The following KAT7 variants were observed in gnomAD, a reference collection of about 807,000 sequenced individuals.
KAT7 encodes the protein lysine acetyltransferase 7.
KAT7 carries 10 observed loss-of-function variants against 82.1 expected under a neutral mutation model. The ratio of observed to expected loss-of-function variants is 0.12; its 90% confidence interval spans 0.08 to 0.21. The LOEUF is 0.21. Ranked by LOEUF, KAT7 falls within the 10% of genes least tolerant of loss-of-function variation. KAT7 has a pLI of 1.00. For synonymous variants in KAT7, 250 were observed against 262.5 expected (o/e 0.95, Z 0.46); for missense variants, 378 against 760.9 (o/e 0.50, Z 5.92).
In KAT7 at chr17:49,802,530, G is replaced by C. The variant is rs934713194; in HGVS notation, c.581-2833G>C. ...TAAAAATACAAAATTAGCCAGGCGTGGTGGCGGCGCTTGTAATCCCAGCTA... is the reference window on the plus strand; with the variant it reads ...TAAAAATACAAAATTAGCCAGGCGTCGTGGCGGCGCTTGTAATCCCAGCTA... On this transcript the variant is annotated intron_variant, in intron 4 of 14. Transcript: ENST00000259021. 4.6e-5 allele frequency among the ~76,000 whole-genome samples: 7 copies of C among 152,054 alleles called. No individual in the cohort carries two copies. The South Asian group carries it at 6.2e-4, about 13-fold the overall frequency.
Position 49,833,666 on chromosome 17 carries a change from A to G in KAT7, c.*6164A>G, listed in dbSNP as rs1032170924. 2.0e-5 allele frequency: 3 copies of G among 152,232 alleles called. No individual in the cohort carries two copies. Among genetic ancestry groups the G allele is most frequent in the African/African-American group, 7.2e-5 (3 of 41,456 alleles). The allele number at this position is 152,232 out of a possible 1,614,324, so 9.4% of individuals were successfully genotyped here. A position where few individuals can be genotyped will look rare whatever the true frequency, so the allele number is the denominator to read the frequency against. On this transcript the variant is annotated 3_prime_UTR_variant, in exon 15 of 15. Coordinates refer to ENST00000259021, the MANE Select transcript of KAT7 (RefSeq NM_007067.5). The stretch of plus-strand genomic sequence containing the variant: ...ACCAAGGTGCTCTAGTCACAGCACT[A>G]AAAGCCCAGACTTGTGTCTCTTGAA...
rs565206457 is a variant in KAT7, at chr17:49,814,221, T to A, written c.853-1582T>A. Among the ~76,000 whole-genome samples the A allele has an allele frequency of 7.2e-5, 11 of 152,296 alleles. No homozygotes were observed. In the South Asian group the frequency reaches 2.3e-3, roughly 32 times the overall value. On this transcript the variant is annotated intron_variant, in intron 7 of 14. Transcript: ENST00000259021. Reference sequence around the variant, plus strand: ...TTTACTTTTTTGACAGTCATCACTGTCTTAAATGCTAATTTTATGAATACA... The same window carrying A: ...TTTACTTTTTTGACAGTCATCACTGACTTAAATGCTAATTTTATGAATACA...
intron 2 of KAT7, among the ~76,000 whole-genome samples, chr17:49,793,573 A>ATT (rs542617795): frequency 4.5e-4 from 61 of 136,300 alleles, no homozygotes; most frequent in South Asian, 1.2e-3. Context: ...GCTTTGGTTA[A>ATT]TTTTTTTTTT....
chr17:49,799,989 T>C (rs1351341101), intron 4 of KAT7, among the ~76,000 whole-genome samples: 1 of 149,434 alleles, frequency 6.7e-6, no homozygotes, highest in East Asian at 1.9e-4. Context: ...AGTGTTTAAT[T>C]AATTTGGATT....
At chr17:49,810,335 C>T (rs1331946759) in intron 6 of KAT7, among the ~76,000 whole-genome samples, 1 of 152,202 alleles carries the variant, frequency 6.6e-6, no homozygotes, top group East Asian at 1.9e-4. Context: ...CAGCTCACTG[C>T]AACCTCCATC....
intron 11 of KAT7, 29 bp downstream of exon 11, chr17:49,821,819 A>C (rs1390962175): frequency 1.2e-6 from 2 of 1,611,298 alleles, no homozygotes; most frequent in East Asian, 4.5e-5. Context: ...TTAAGAAGCC[A>C]ATGGCCAGAG....
chr17:49,805,016 G>A (rs1193972064), intron 4 of KAT7, among the ~76,000 whole-genome samples: 1 of 152,184 alleles, frequency 6.6e-6, no homozygotes, highest in East Asian at 1.9e-4. Flanking sequence ...ATTTAGTATA[G>A]GAGAGTTACA....
At chr17:49,825,098 AT>A (rs2074353367) in intron 12 of KAT7, among the ~76,000 whole-genome samples, 1 of 151,916 alleles carries the variant, frequency 6.6e-6, no homozygotes, top group African/African-American at 2.4e-5. Flanking sequence ...CACTCCCATC[AT>A]TTTTTTCTTG....
intron 8 of KAT7, 117 bp from the exon 9 acceptor site, chr17:49,817,703 G>A (rs139572894): frequency 0.012 from 9,267 of 742,720 alleles, 80 homozygotes; most frequent in Non-Finnish European, 0.017. Context: ...CTGGCCTTAA[G>A]TGACCTGCCT....
At chr17:49,800,841 TATAC>T (rs1159318107) in intron 4 of KAT7, among the ~76,000 whole-genome samples, 2 of 152,168 alleles carry the variant, frequency 1.3e-5, no homozygotes, top group African/African-American at 4.8e-5. Context: ...TGTGTGTGTA[TATAC>T]ATACATATGT....
intron 4 of KAT7, among the ~76,000 whole-genome samples, chr17:49,804,762 A>C (rs1455945156): frequency 6.6e-6 from 1 of 152,202 alleles, no homozygotes; most frequent in Non-Finnish European, 1.5e-5. Flanking sequence ...GACATAAAAA[A>C]ATTTTTTAAA....
At chr17:49,799,127 C>T (rs1233124217) in intron 4 of KAT7, among the ~76,000 whole-genome samples, 1 of 152,116 alleles carries the variant, frequency 6.6e-6, no homozygotes, top group Non-Finnish European at 1.5e-5. Context: ...ATGAGTTTTA[C>T]CCCTTAGTGA....
rs150213962 is a variant in KAT7 at position 49,826,703 on chromosome 17, G to A, written c.1638G>A (p.Gln546=). The change falls in exon 14 of 15, where the codon CAG becomes CAA. Residue 546 remains glutamine, a synonymous_variant. Transcript: ENST00000259021. ...GKEISIKEIS[Q]ETAVNPVDIV... is the part of the protein sequence containing the mutation. The stretch of plus-strand genomic sequence containing the variant: ...CTTCTTCTGTTTCAGAAATCAGTCA[G>A]GAGACGGCTGTGAATCCTGTGGACA... The A allele has an allele frequency of 3.6e-5, 58 of 1,610,398 alleles. No individual in the cohort carries two copies. In the African/African-American group the frequency reaches 7.1e-4, roughly 20 times the overall value.
intron 10 of KAT7, 92 bp downstream of exon 10, chr17:49,821,518 G>A (rs758986971): frequency 2.7e-6 from 4 of 1,484,532 alleles, no homozygotes; most frequent in Non-Finnish European, 2.8e-6. Context: ...ACCTTGTGAA[G>A]GACATAGAAC....
In KAT7 at chr17:49,825,877, A is replaced by G. The variant is rs1377228362; in HGVS notation, c.1481-123A>G. The G allele has an allele frequency of 5.2e-6, 5 of 959,738 alleles. No homozygotes were observed. The East Asian group carries it at 9.9e-5, about 19-fold the overall frequency. The allele number at this position is 959,738 out of a possible 1,614,324, so 59.5% of individuals were successfully genotyped here. ...AGTTAACCACACAGTATTCCATTGA[A>G]TGACTAAATCCTAATGGAGTGGACT... is the stretch of plus-strand genomic sequence containing the variant. On this transcript the variant is annotated intron_variant, in intron 12 of 14. Coordinates refer to ENST00000259021, the MANE Select transcript of KAT7 (RefSeq NM_007067.5).
chr17:49,827,352 G>T (rs755506355), intron 14 of KAT7, 49 bp from the exon 15 acceptor site: 2 of 1,105,756 alleles, frequency 1.8e-6, no homozygotes, highest in Admixed American at 1.7e-5. Flanking sequence ...CTATGTAAAG[G>T]CACTTGAGTT....
chr17:49,829,672 G>A lies in KAT7; in HGVS notation c.*2170G>A, dbSNP rs540056802. 5.3e-5 allele frequency: 8 copies of A among 152,278 alleles called. No homozygotes were observed. Among genetic ancestry groups the A allele is most frequent in the Non-Finnish European group, 1.2e-4 (8 of 68,026 alleles). 9.4% of individuals were successfully genotyped at this position (152,278 alleles called of 1,614,324 possible). A position where few individuals can be genotyped will look rare whatever the true frequency, so the allele number is the denominator to read the frequency against. On this transcript the variant is annotated 3_prime_UTR_variant, in exon 15 of 15. Coordinates refer to ENST00000259021, the MANE Select transcript of KAT7 (RefSeq NM_007067.5). ...GAGGAGGCTGGGAATTGTATGTGCT[G>A]GAATGGTTTCACTCACTGTGACCAG... is the stretch of plus-strand genomic sequence containing the variant.
chr17:49,820,748 T>C (rs1052317183), intron 9 of KAT7, among the ~76,000 whole-genome samples: 3 of 120,786 alleles, frequency 2.5e-5, no homozygotes, highest in East Asian at 2.1e-4. Context: ...GCTGCTTGCC[T>C]TTTTTTTTTT....
In KAT7 at chr17:49,817,861, C is replaced by T. The variant is rs764463977; in HGVS notation, c.1005C>T (p.Asn335=). The T allele has an allele frequency of 4.3e-6, 7 of 1,612,850 alleles. No individual in the cohort carries two copies. The South Asian group carries it at 4.4e-5, about 10-fold the overall frequency. ...RLQGQITEGS[N]MIKTIAFGRY... is the part of the protein sequence containing the mutation. ...AAGGCCAAATCACAGAGGGAAGCAA[C>T]ATGATTAAAACAATTGCTTTTGGCC... Residue 335 remains asparagine (N), a synonymous_variant, in exon 9 of 15, where the codon AAC becomes AAT. Transcript: ENST00000259021.
Sources: allele counts gnomAD v4.1 joint callset (sites outside exome capture counted in the v4.1 genomes callset), GRCh38; gene constraint gnomAD v4.1.1; transcripts MANE v1.5; gene names NCBI Gene and HGNC (gene_info 2026-07-23, HGNC 2026-07-21).